KIF2C: variants seen among roughly 807,000 people sequenced by gnomAD.
KIF2C encodes the protein kinesin family member 2C, also known as kinesin-like protein KIF2C.
A neutral mutation model predicts 97.4 loss-of-function variants in KIF2C; 34 were observed. The ratio of observed to expected loss-of-function variants is 0.35; its 90% CI spans 0.27 to 0.46. KIF2C has a LOEUF of 0.46. Ranked by LOEUF, KIF2C falls within the 20% of genes least tolerant of loss-of-function variation. The pLI is 1.00. For synonymous variants in KIF2C, 313 were observed against 318.2 expected, an observed-to-expected ratio of 0.98 and a Z score of 0.17; for missense variants, 750 against 907.6, an observed-to-expected ratio of 0.83 and a Z score of 2.23.
At chr1:44,761,288 CCAG>C (rs758686529) in intron 16 of KIF2C, among the ~76,000 whole-genome samples, 10 of 152,258 alleles carry the variant, frequency 6.6e-5, no homozygotes, top group Middle Eastern at 3.4e-3. Flanking sequence ...ACTGAAGTTT[CCAG>C]CAGAAGCCAC....
intron 7 of KIF2C, 28 bp downstream of exon 7, chr1:44,753,861 G>A (rs745929824): frequency 1.4e-6 from 2 of 1,467,154 alleles, no homozygotes; most frequent in South Asian, 1.2e-5. Flanking sequence ...CTAGGGTAAG[G>A]GTTTTTGGAC....
intron 2 of KIF2C, 108 bp downstream of exon 2, chr1:44,741,115 A>ACTCACGC: frequency 1.2e-6 from 1 of 805,246 alleles, no homozygotes. Flanking sequence ...TGCTCTTCTC[A>ACTCACGC]CTCACGCCTG....
intron 10 of KIF2C, among the ~76,000 whole-genome samples, chr1:44,756,770 T>G (rs1407352184): frequency 6.6e-6 from 1 of 151,724 alleles, no homozygotes; most frequent in East Asian, 1.9e-4. Context: ...CAGGCTGGTC[T>G]CAAACTCCTG....
intron 13 of KIF2C, among the ~76,000 whole-genome samples, chr1:44,758,773 G>A (rs1348410532): frequency 6.6e-6 from 1 of 152,166 alleles, no homozygotes; most frequent in African/African-American, 2.4e-5. Flanking sequence ...CTACTCGGGA[G>A]TCTGAGGCAG....
At chr1:44,766,708 A>T in intron 19 of KIF2C, 118 bp from the exon 20 acceptor site, 2 of 1,064,316 alleles carry the variant, frequency 1.9e-6, no homozygotes, top group Non-Finnish European at 1.4e-6. Flanking sequence ...CAGCCAGGGT[A>T]TGGGTCAGGG....
intron 4 of KIF2C, among the ~76,000 whole-genome samples, chr1:44,749,073 G>A (rs1171816617): frequency 1.3e-5 from 2 of 152,174 alleles, no homozygotes; most frequent in African/African-American, 4.8e-5. Context: ...AAGGTGGGCA[G>A]ATCACCTGAG....
chr1:44,741,238 CA>C (rs1390157173), intron 2 of KIF2C, among the ~76,000 whole-genome samples: 2 of 152,006 alleles, frequency 1.3e-5, no homozygotes, highest in African/African-American at 4.8e-5. Context: ...AAAAATTAGC[CA>C]GTCGTGGTAG....
chr1:44,767,101 C>T lies in KIF2C; in HGVS notation c.2100C>T (p.Val700=), dbSNP rs1290702333. The part of the protein sequence containing the change: ...QAKHFSALRD[V]IKALRLAMQL... ...TACCGCTACCCTTTCTTCCAGATGT[C>T]ATCAAGGCCTTGCGCCTGGCCATGC... The change falls in exon 21 of 21, where the codon GTC becomes GTT. Residue 700 remains valine, a synonymous_variant. Coordinates refer to ENST00000372224, the MANE Select transcript of KIF2C (RefSeq NM_006845.4). 1 of 1,613,998 alleles carries T rather than the reference C, an allele frequency of 6.2e-7. No individual in the cohort carries two copies. Among genetic ancestry groups the T allele is most frequent in the African/African-American group, 1.3e-5 (1 of 75,050 alleles).
chr1:44,755,322 A>G (rs939269637), intron 8 of KIF2C, among the ~76,000 whole-genome samples: 3 of 152,124 alleles, frequency 2.0e-5, no homozygotes, highest in Admixed American at 6.5e-5. Context: ...CTGGAGTGCA[A>G]TGGCATGGTC....
intron 2 of KIF2C, among the ~76,000 whole-genome samples, chr1:44,746,234 C>G (rs899616718): frequency 6.6e-6 from 1 of 152,222 alleles, no homozygotes; most frequent in African/African-American, 2.4e-5. Context: ...TGCTTCAGCT[C>G]TGTCACATTT....
At chr1:44,747,531 CT>C in intron 3 of KIF2C, 46 bp downstream of exon 3, 1 of 1,581,676 alleles carries the variant, frequency 6.3e-7, no homozygotes, top group Non-Finnish European at 8.6e-7. Context: ...AGAGAATTCA[CT>C]TTGCTTATTG....
chr1:44,753,953 CAATTCTTTTTTTTTTTT>C, intron 7 of KIF2C, 120 bp downstream of exon 7: 1 of 252,518 alleles, frequency 4.0e-6, no homozygotes, highest in Non-Finnish European at 7.2e-6. Context: ...CTTGAGGCCC[CAATTCTTTTTTTTTTTT>C]TTTTTTTTTT....
chr1:44,752,543 A>G (rs1381983068), intron 5 of KIF2C, among the ~76,000 whole-genome samples: 1 of 152,202 alleles, frequency 6.6e-6, no homozygotes, highest in East Asian at 1.9e-4. Context: ...AATAGATTAT[A>G]TAAATTAGAT....
Position 44,766,851 on chromosome 1 carries a change from C to G in KIF2C, c.1997C>G (p.Ser666Cys). The change falls in exon 20 of 21, where the codon TCT becomes TGT. Residue 666 changes from serine to cysteine, a missense_variant. Ser to Cys is a moderately radical substitution (Grantham distance 112). Transcript: ENST00000372224. The stretch of plus-strand genomic sequence containing the variant: ...CAAGGACCAGACTGGCTTGAGCTCT[C>G]TGAGATGACCGAGCAGCCAGACTAT... ...IQQGPDWLEL[S>C]EMTEQPDYDL... 6.2e-7 allele frequency: 1 copy of G among 1,614,238 alleles called. No individual in the cohort carries two copies. Among genetic ancestry groups the G allele is most frequent in the Non-Finnish European group, 8.5e-7 (1 of 1,180,036 alleles).
chr1:44,759,134 A>C, intron 13 of KIF2C, 72 bp from the exon 14 acceptor site: 2 of 1,588,718 alleles, frequency 1.3e-6, no homozygotes, highest in East Asian at 2.2e-5. Flanking sequence ...TGGGCAGGCT[A>C]GTAGGAGGAA....
chr1:44,756,366 G>T, intron 10 of KIF2C, 129 bp downstream of exon 10: 1 of 994,632 alleles, frequency 1.0e-6, no homozygotes, highest in Non-Finnish European at 1.5e-6. Flanking sequence ...TGTTTTCTTT[G>T]GGTCACACCC....
Position 44,761,978 on chromosome 1 carries a change from A to C in KIF2C, c.1746A>C (p.Ala582=). The C allele has an allele frequency of 6.2e-7, 1 of 1,613,892 alleles. No individual in the cohort carries two copies. Among genetic ancestry groups the C allele is most frequent in the South Asian group, 1.1e-5 (1 of 91,086 alleles). The change falls in exon 17 of 21, where the codon GCA becomes GCC. Residue 582 remains alanine, a synonymous_variant. Coordinates refer to ENST00000372224, the MANE Select transcript of KIF2C (RefSeq NM_006845.4). The stretch of plus-strand genomic sequence containing the variant: ...ATACTTTAAACACCCTGAGATATGC[A>C]GACAGGTACTAGTACCTACAGCTAG... The part of the protein sequence containing the change: ...CEYTLNTLRY[A]DRVKELSPHS...
At position 44,759,033 on chromosome 1, in the gene KIF2C, C is replaced by T. The variant is rs752398937; in HGVS notation, c.1225-173C>T. 299 of 738,274 alleles carry T rather than the reference C, an allele frequency of 4.0e-4. 1 individual carries two copies. The highest frequency in any genetic ancestry group is 1.2e-3 in the Middle Eastern group (3 of 2,452). 45.7% of individuals were successfully genotyped at this position (738,274 alleles called of 1,614,324 possible). ...AGAGTCACAGCAAACTGAGGCAGTT[C>T]GGCTCAGATCCCAAGTATATTGACC... On this transcript the variant is annotated intron_variant, in intron 13 of 20. Transcript: ENST00000372224.
Position 44,761,956 on chromosome 1 carries a change from C to T in KIF2C, c.1724C>T (p.Thr575Ile). The change falls in exon 17 of 21, where the codon ACT (threonine) becomes ATT (isoleucine). Residue 575 changes from threonine to isoleucine, a missense_variant. Thr to Ile is a moderately conservative substitution (Grantham distance 89, BLOSUM62 -1). Transcript: ENST00000372224. ...ISPGISSCEY[T>I]LNTLRYADRV... is the part of the protein sequence containing the mutation. ...CCAGGCATAAGCTCCTGTGAATATA[C>T]TTTAAACACCCTGAGATATGCAGAC... 6.2e-7 allele frequency: 1 copy of T among 1,614,146 alleles called. No homozygotes were observed. The highest frequency in any genetic ancestry group is 8.5e-7 in the Non-Finnish European group (1 of 1,179,992).
Sources: allele counts gnomAD v4.1 joint callset (sites outside exome capture counted in the v4.1 genomes callset), GRCh38; gene constraint gnomAD v4.1.1; transcripts MANE v1.5; gene names NCBI Gene and HGNC (gene_info 2026-07-23, HGNC 2026-07-21).